The following CA10 variants were observed in gnomAD, a reference collection of about 807,000 sequenced individuals.
CA10 encodes carbonic anhydrase-related protein 10.
CA10 carries 14 observed loss-of-function variants against 44.2 expected under a neutral mutation model. The ratio of observed to expected loss-of-function variants is 0.32; its 90% CI spans 0.21 to 0.50. The LOEUF is 0.50. Ranked by LOEUF, CA10 falls within the 20% of genes least tolerant of loss-of-function variation. The pLI is 0.99. For synonymous variants in CA10, 159 were observed against 141.6 expected (o/e 1.12, Z -0.87); for missense variants, 350 against 409.7 (o/e 0.85, Z 1.26).
chr17:51,951,328 G>A (rs1026766192), intron 2 of CA10, among the ~76,000 whole-genome samples: 2 of 152,030 alleles, frequency 1.3e-5, no homozygotes, highest in Non-Finnish European at 2.9e-5. Flanking sequence ...CTTTCAATAA[G>A]GACCATAAAA....
At chr17:51,801,012 T>C (rs1420660392) in intron 3 of CA10, among the ~76,000 whole-genome samples, 1 of 152,092 alleles carries the variant, frequency 6.6e-6, no homozygotes, top group African/African-American at 2.4e-5. Context: ...GAGAATCTCT[T>C]GTGTTTTTGT....
intron 3 of CA10, among the ~76,000 whole-genome samples, chr17:51,896,450 G>A (rs1186335945): frequency 2.0e-5 from 3 of 152,068 alleles, no homozygotes; most frequent in African/African-American, 7.2e-5. Context: ...GAACCAAGGT[G>A]TATAAGTACC....
chr17:51,846,101 A>G (rs911389460), intron 3 of CA10, among the ~76,000 whole-genome samples: 1 of 152,240 alleles, frequency 6.6e-6, no homozygotes, highest in Non-Finnish European at 1.5e-5. Context: ...AGCAGAGAAA[A>G]TGGAAGCACT....
At chr17:51,658,099 C>G (rs1304661131) in intron 4 of CA10, among the ~76,000 whole-genome samples, 22 of 151,948 alleles carry the variant, frequency 1.4e-4, no homozygotes, top group Admixed American at 1.4e-3. Flanking sequence ...GAGAATACTA[C>G]CAGTCTTGTC....
chr17:52,040,620 T>C (rs1986742211), intron 2 of CA10, among the ~76,000 whole-genome samples: 1 of 152,028 alleles, frequency 6.6e-6, no homozygotes, highest in African/African-American at 2.4e-5. Context: ...ACAAACAAGA[T>C]GACCCTTATA....
Position 52,064,222 on chromosome 17 carries a change from G to A in CA10, c.136+8097C>T, listed in dbSNP as rs76894738. Among the ~76,000 whole-genome samples the A allele has an allele frequency of 1.2e-4, 18 of 152,298 alleles. 1 individual carries two copies. The East Asian group carries it at 3.5e-3, about 29-fold the overall frequency. ...ATTGAATTCTGCCAAGGACCCACAT[G>A]AGCTTGACTTCAGATGAGAATGCAG... On this transcript the variant is annotated intron_variant, in intron 2 of 8. Coordinates refer to ENST00000451037, the MANE Select transcript of CA10 (RefSeq NM_020178.5).
At chr17:51,681,246 T>C (rs1047344420) in intron 4 of CA10, among the ~76,000 whole-genome samples, 1 of 152,222 alleles carries the variant, frequency 6.6e-6, no homozygotes, top group African/African-American at 2.4e-5. Context: ...ATTGAGATAA[T>C]CCGTGGGGCA....
intron 3 of CA10, among the ~76,000 whole-genome samples, chr17:51,775,951 C>T (rs1330624379): frequency 6.6e-6 from 1 of 151,978 alleles, no homozygotes; most frequent in East Asian, 1.9e-4. Context: ...GTAAGGTAGG[C>T]CAATTGTGCA....
chr17:51,690,545 C>G (rs367972619), intron 4 of CA10, among the ~76,000 whole-genome samples: 2 of 152,138 alleles, frequency 1.3e-5, no homozygotes, highest in East Asian at 3.9e-4. Context: ...GGGAGGTAAT[C>G]GAATCATGGG....
chr17:51,966,177 C>T (rs747696905), intron 2 of CA10, among the ~76,000 whole-genome samples: 33 of 151,792 alleles, frequency 2.2e-4, no homozygotes, highest in Middle Eastern at 3.4e-3. Flanking sequence ...ATCTCTACAA[C>T]AAGAACTTCA....
rs193187673 is a variant in CA10 at position 52,007,554 on chromosome 17, T to C, written c.136+64765A>G. On this transcript the variant is annotated intron_variant, in intron 2 of 8. Coordinates refer to ENST00000451037, the MANE Select transcript of CA10 (RefSeq NM_020178.5). Reference sequence around the variant, plus strand: ...GAGAGATTTTTATGAATTTTTATGATAGTGGCCTATGGTCATATTCCTGGA... The same window carrying C: ...GAGAGATTTTTATGAATTTTTATGACAGTGGCCTATGGTCATATTCCTGGA... Among the ~76,000 whole-genome samples the C allele has an allele frequency of 3.0e-3, 462 of 151,748 alleles. 3 individuals carry two copies. The highest frequency in any genetic ancestry group is 0.011 in the African/African-American group (449 of 41,526).
At chr17:51,956,945 A>G (rs1159962344) in intron 2 of CA10, among the ~76,000 whole-genome samples, 1 of 152,130 alleles carries the variant, frequency 6.6e-6, no homozygotes, top group Non-Finnish European at 1.5e-5. Context: ...TGTTCATGCT[A>G]TTATACAGAA....
At chr17:52,027,284 G>T (rs895470640) in intron 2 of CA10, among the ~76,000 whole-genome samples, 10 of 151,824 alleles carry the variant, frequency 6.6e-5, no homozygotes, top group African/African-American at 2.4e-4. Context: ...TGCAGATGAA[G>T]CTTCCCTCAC....
intron 2 of CA10, among the ~76,000 whole-genome samples, chr17:52,022,811 A>C (rs1986185079): frequency 6.6e-6 from 1 of 152,108 alleles, no homozygotes. Flanking sequence ...CTATACACTG[A>C]TAATATTCAA....
chr17:51,918,639 T>C (rs1228346435), intron 3 of CA10, among the ~76,000 whole-genome samples: 1 of 152,150 alleles, frequency 6.6e-6, no homozygotes, highest in Non-Finnish European at 1.5e-5. Flanking sequence ...CTGATGAAGA[T>C]CTGAGTAAAA....
chr17:52,052,787 T>A (rs1271273245), intron 2 of CA10, among the ~76,000 whole-genome samples: 1 of 152,056 alleles, frequency 6.6e-6, no homozygotes, highest in Non-Finnish European at 1.5e-5. Context: ...ATAACTAGAG[T>A]ACAACCTATG....
intron 4 of CA10, among the ~76,000 whole-genome samples, chr17:51,716,505 C>A (rs1489984654): frequency 1.3e-5 from 2 of 152,026 alleles, no homozygotes; most frequent in Non-Finnish European, 2.9e-5. Flanking sequence ...AGAAGTTCAC[C>A]CATTGGCTAA....
intron 3 of CA10, among the ~76,000 whole-genome samples, chr17:51,873,458 T>C (rs1234690140): frequency 2.0e-5 from 3 of 152,212 alleles, no homozygotes; most frequent in Admixed American, 6.5e-5. Context: ...ATCTCAGTAT[T>C]ACAGGACCTG....
At chr17:52,071,243 T>C (rs1407351986) in intron 2 of CA10, among the ~76,000 whole-genome samples, 1 of 152,238 alleles carries the variant, frequency 6.6e-6, no homozygotes, top group Non-Finnish European at 1.5e-5. Flanking sequence ...ATGAAGTTAA[T>C]AATATTCATT....
Sources: allele counts gnomAD v4.1 joint callset (sites outside exome capture counted in the v4.1 genomes callset), GRCh38; gene constraint gnomAD v4.1.1; transcripts MANE v1.5; gene names NCBI Gene and HGNC (gene_info 2026-07-23, HGNC 2026-07-21).